The following WWOX variants were observed in gnomAD, a reference collection of about 807,000 sequenced individuals.
The protein encoded by WWOX is WW domain-containing oxidoreductase.
WWOX carries 69 observed loss-of-function variants against 46.2 expected under a neutral mutation model. That is an observed-to-expected ratio of 1.49 (90% confidence interval 1.23 to 1.82). The LOEUF is 1.82. Among genes scored for constraint, WWOX ranks in the 40% most tolerant of loss-of-function variants. The pLI is 0.00. For missense variants in WWOX, 919 were observed against 542.6 expected (o/e 1.69, Z -6.89); for synonymous variants, 359 against 202.6 (o/e 1.77, Z -6.56).
intron 8 of WWOX, among the ~76,000 whole-genome samples, chr16:78,558,772 A>G (rs1400989006): frequency 1.3e-5 from 2 of 152,172 alleles, no homozygotes; most frequent in Admixed American, 6.5e-5. Flanking sequence ...TTGTGTTGTC[A>G]CATTCTTCTG....
intron 8 of WWOX, among the ~76,000 whole-genome samples, chr16:79,151,384 T>C (rs1350812638): frequency 6.6e-6 from 1 of 152,216 alleles, no homozygotes; most frequent in African/African-American, 2.4e-5. Flanking sequence ...GGCTCTTATT[T>C]CCTAGACATG....
At chr16:78,210,698 T>G (rs2151787064) in intron 5 of WWOX, among the ~76,000 whole-genome samples, 1 of 152,328 alleles carries the variant, frequency 6.6e-6, no homozygotes, top group African/African-American at 2.4e-5. Context: ...TTCCCCTGTT[T>G]TTCCTTAATC....
intron 5 of WWOX, among the ~76,000 whole-genome samples, chr16:78,358,559 G>A (rs895525737): frequency 2.0e-5 from 3 of 152,138 alleles, no homozygotes; most frequent in Non-Finnish European, 4.4e-5. Flanking sequence ...TCAGGAAGCT[G>A]AGGACTGAGA....
chr16:78,624,662 C>T (rs1456594569), intron 8 of WWOX, among the ~76,000 whole-genome samples: 1 of 152,216 alleles, frequency 6.6e-6, no homozygotes, highest in Non-Finnish European at 1.5e-5. Flanking sequence ...GGGGAAAAAA[C>T]CCTCACTTTT....
chr16:78,446,836 T>C (rs951956825), intron 8 of WWOX, among the ~76,000 whole-genome samples: 2 of 151,954 alleles, frequency 1.3e-5, no homozygotes, highest in Non-Finnish European at 2.9e-5. Flanking sequence ...AACTTTTATA[T>C]TTTTAGTAGA....
chr16:78,251,724 C>T (rs1018412634), intron 5 of WWOX, among the ~76,000 whole-genome samples: 1 of 152,224 alleles, frequency 6.6e-6, no homozygotes, highest in Non-Finnish European at 1.5e-5. Flanking sequence ...CCTTGTCCAA[C>T]AGCTGATTGG....
At chr16:79,058,417 A>G (rs927099105) in intron 8 of WWOX, among the ~76,000 whole-genome samples, 1 of 152,062 alleles carries the variant, frequency 6.6e-6, no homozygotes, top group Admixed American at 6.6e-5. Flanking sequence ...TATTGTTGTT[A>G]CCATTTATTG....
chr16:78,879,218 A>C (rs16948711), intron 8 of WWOX, among the ~76,000 whole-genome samples: 55,102 of 152,086 alleles, frequency 0.36, 11,449 homozygotes, highest in Non-Finnish European at 0.46. Flanking sequence ...AACATCTGGA[A>C]AAAGAGCTGG....
At chr16:78,994,769 T>C (rs539019546) in intron 8 of WWOX, among the ~76,000 whole-genome samples, 1 of 152,184 alleles carries the variant, frequency 6.6e-6, no homozygotes, top group South Asian at 2.1e-4. Context: ...AGGACTTTCT[T>C]TGGAGCGGAG....
chr16:78,808,071 C>A (rs893397880), intron 8 of WWOX, among the ~76,000 whole-genome samples: 1 of 152,196 alleles, frequency 6.6e-6, no homozygotes, highest in South Asian at 2.1e-4. Context: ...AAAGGCATCC[C>A]CTTCCCCATT....
chr16:78,300,178 T>C (rs2080014814), intron 5 of WWOX, among the ~76,000 whole-genome samples: 1 of 152,226 alleles, frequency 6.6e-6, no homozygotes, highest in East Asian at 1.9e-4. Context: ...TTCTAGAAGA[T>C]ATCTACGTTT....
intron 8 of WWOX, among the ~76,000 whole-genome samples, chr16:78,972,485 T>G (rs35853246): frequency 0.032 from 4,232 of 133,444 alleles, 156 homozygotes; most frequent in East Asian, 0.24. Flanking sequence ...AAAAAAAAAA[T>G]AAAAGAACCT....
chr16:78,639,906 T>C (rs2046662199), intron 8 of WWOX, among the ~76,000 whole-genome samples: 1 of 151,968 alleles, frequency 6.6e-6, no homozygotes, highest in Non-Finnish European at 1.5e-5. Context: ...AATAGGAAGA[T>C]AGAGTGGTGA....
intron 8 of WWOX, among the ~76,000 whole-genome samples, chr16:78,913,820 C>T (rs2151259018): frequency 6.6e-6 from 1 of 152,000 alleles, no homozygotes; most frequent in African/African-American, 2.4e-5. Flanking sequence ...ACCACAATGC[C>T]CAGCTAACTT....
At chr16:79,172,757 G>A (rs764744574) in intron 8 of WWOX, among the ~76,000 whole-genome samples, 1 of 152,116 alleles carries the variant, frequency 6.6e-6, no homozygotes, top group Non-Finnish European at 1.5e-5. Context: ...CAGTTATGGT[G>A]GCTCACGCCT....
intron 5 of WWOX, among the ~76,000 whole-genome samples, chr16:78,303,180 T>C (rs1353331512): frequency 2.0e-5 from 3 of 152,222 alleles, no homozygotes; most frequent in African/African-American, 4.8e-5. Context: ...TGCCCTTTTT[T>C]CCCCTACTTT....
At chr16:79,031,706 C>G (rs1163194259) in intron 8 of WWOX, among the ~76,000 whole-genome samples, 2 of 147,470 alleles carry the variant, frequency 1.4e-5, no homozygotes, top group East Asian at 3.9e-4. Flanking sequence ...TGTATTTTTT[C>G]TAGTTTTTTT....
At chr16:78,569,790 C>A (rs1303534098) in intron 8 of WWOX, among the ~76,000 whole-genome samples, 1 of 152,156 alleles carries the variant, frequency 6.6e-6, no homozygotes, top group South Asian at 2.1e-4. Context: ...TTCTTATTGA[C>A]CAAAGAGAGG....
At chr16:78,542,430 C>T (rs556222201) in intron 8 of WWOX, among the ~76,000 whole-genome samples, 2 of 152,196 alleles carry the variant, frequency 1.3e-5, no homozygotes, top group South Asian at 2.1e-4. Context: ...AGCCTAGTCC[C>T]CCAGTTTGCG....
Sources: gnomAD v4.1 joint callset for allele counts (sites outside exome capture counted in the v4.1 genomes callset) on GRCh38, gnomAD v4.1.1 for gene constraint, MANE v1.5 for transcripts, NCBI Gene and HGNC (gene_info 2026-07-23, HGNC 2026-07-21) for gene names.